Variants in PUM1 observed in about 807,000 individuals in gnomAD.
PUM1 encodes pumilio homolog 1.
PUM1 carries 13 observed loss-of-function variants against 131.8 expected under a neutral mutation model. The observed-to-expected ratio is 0.10, with a 90% confidence interval of 0.06 to 0.16. The LOEUF is 0.16. Among genes scored for constraint, PUM1 ranks in the 10% least tolerant of loss-of-function variants. The probability of loss-of-function intolerance (pLI) is 1.00; values close to 1 mark genes in which losing one functional copy is unlikely to be tolerated. For synonymous variants in PUM1, 509 were observed against 556.5 expected (o/e 0.91, Z 1.20); for missense variants, 961 against 1,512.4 (o/e 0.64, Z 6.05).
chr1:31,012,876 A>C (rs778529766), intron 3 of PUM1, among the ~76,000 whole-genome samples: 15 of 152,206 alleles, frequency 9.9e-5, no homozygotes, highest in Non-Finnish European at 1.6e-4. Flanking sequence ...GAATGCTCTG[A>C]AATCACTTTA....
At chr1:31,016,306 C>T (rs1175803687) in intron 3 of PUM1, among the ~76,000 whole-genome samples, 1 of 152,120 alleles carries the variant, frequency 6.6e-6, no homozygotes, top group Non-Finnish European at 1.5e-5. Context: ...TAATAAACTT[C>T]CAACTCATTT....
chr1:31,038,958 TTATATA>T (rs200492434), intron 2 of PUM1, among the ~76,000 whole-genome samples: 1 of 43,982 alleles, frequency 2.3e-5, no homozygotes, highest in Non-Finnish European at 3.7e-5. Context: ...TTTTAAAATT[TTATATA>T]TATATATATA....
At chr1:30,986,488 A>G (rs192681295) in intron 7 of PUM1, among the ~76,000 whole-genome samples, 20 of 152,262 alleles carry the variant, frequency 1.3e-4, no homozygotes, top group African/African-American at 4.6e-4. Context: ...AACTACTGCA[A>G]TGATCAACTA....
At chr1:31,058,410 C>T (rs1165227863) in intron 2 of PUM1, among the ~76,000 whole-genome samples, 1 of 152,144 alleles carries the variant, frequency 6.6e-6, no homozygotes, top group Non-Finnish European at 1.5e-5. Flanking sequence ...CCTGTAATCC[C>T]AGCACTTTGG....
intron 20 of PUM1, among the ~76,000 whole-genome samples, chr1:30,939,239 T>G (rs1172740691): frequency 2.6e-5 from 4 of 152,178 alleles, no homozygotes; most frequent in African/African-American, 4.8e-5. Context: ...TGCCCTCCAC[T>G]CCTGTTTTAG....
At chr1:30,992,350 G>A (rs773585224) in intron 7 of PUM1, 40 bp downstream of exon 7, 1 of 1,592,280 alleles carries the variant, frequency 6.3e-7, no homozygotes, top group Non-Finnish European at 8.6e-7. Flanking sequence ...CGTGCTGGCT[G>A]GAGGGAGAGT....
chr1:30,984,539 C>T (rs1374928790), intron 7 of PUM1, among the ~76,000 whole-genome samples: 1 of 152,198 alleles, frequency 6.6e-6, no homozygotes, highest in African/African-American at 2.4e-5. Context: ...TTATAATTCA[C>T]TTGGGTAGAT....
chr1:30,984,724 G>C (rs1641479833), intron 7 of PUM1, among the ~76,000 whole-genome samples: 2 of 152,144 alleles, frequency 1.3e-5, no homozygotes, highest in Admixed American at 1.3e-4. Flanking sequence ...ATTCCAGAAA[G>C]GAATCCGGGC....
intron 2 of PUM1, among the ~76,000 whole-genome samples, chr1:31,035,607 C>T (rs1023034683): frequency 2.0e-5 from 3 of 151,780 alleles, no homozygotes; most frequent in Non-Finnish European, 2.9e-5. Flanking sequence ...CAAAATTAGC[C>T]GGGCATGGTG....
chr1:30,992,511 G>A lies in PUM1; in HGVS notation c.1037C>T (p.Pro346Leu). The A allele has an allele frequency of 6.2e-7, 1 of 1,614,192 alleles. No individual in the cohort carries two copies. Among genetic ancestry groups the A allele is most frequent in the African/African-American group, 1.3e-5 (1 of 75,030 alleles). ...GCCCACATGTTCCATGGGGTCCAAG[G>A]GGACACTCTGGGACTCCATGTTGGA... ...DFSNMESQSV[P>L]LDPMEHVGME... The change falls in exon 7 of 22, where the codon CCC becomes CTC. Residue 346 changes from proline (P) to leucine (L), a missense_variant. Physicochemically the swap from Pro to Leu is moderately conservative, Grantham distance 98. Transcript: ENST00000426105.
chr1:30,985,629 A>C (rs1480730344), intron 7 of PUM1, among the ~76,000 whole-genome samples: 1 of 147,540 alleles, frequency 6.8e-6, no homozygotes, highest in African/African-American at 2.6e-5. Flanking sequence ...CAGCCTAAGC[A>C]ACAAGAGTGA....
Position 30,966,445 on chromosome 1 carries a change from T to C in PUM1, c.1790-167A>G, listed in dbSNP as rs56272895. ...CCCTTCATATGAAGCTTCTATTTTC[T>C]GTTTCTACTTTCAATTTGAACTCAA... On this transcript the variant is annotated intron_variant, in intron 12 of 21. Coordinates refer to ENST00000426105, the MANE Select transcript of PUM1 (RefSeq NM_001020658.2). 0.085 allele frequency: 55,358 copies of C among 650,206 alleles called. 3,612 individuals carry two copies. Among genetic ancestry groups the C allele is most frequent in the East Asian group, 0.29 (10,184 of 34,680 alleles). The allele number at this position is 650,206 out of a possible 1,614,324, so 40.3% of individuals were successfully genotyped here.
chr1:31,064,941 G>C (rs546110450), intron 1 of PUM1, among the ~76,000 whole-genome samples: 12 of 152,184 alleles, frequency 7.9e-5, no homozygotes, highest in African/African-American at 2.6e-4. Context: ...ACCCCTCTTT[G>C]AGTGAAGAGA....
intron 2 of PUM1, among the ~76,000 whole-genome samples, chr1:31,034,946 G>A (rs1367207645): frequency 6.6e-6 from 1 of 152,116 alleles, no homozygotes; most frequent in Non-Finnish European, 1.5e-5. Flanking sequence ...AGAAACTTGA[G>A]CAATGAGAAA....
At chr1:30,998,356 G>C (rs1164820017) in intron 5 of PUM1, among the ~76,000 whole-genome samples, 2 of 152,220 alleles carry the variant, frequency 1.3e-5, no homozygotes, top group Non-Finnish European at 2.9e-5. Flanking sequence ...GATAGTATCA[G>C]CTGCACGCAG....
At chr1:30,952,704 A>AGGGGGGG (rs1639996608) in intron 15 of PUM1, among the ~76,000 whole-genome samples, 1 of 35,298 alleles carries the variant, frequency 2.8e-5, no homozygotes, top group African/African-American at 8.4e-5. Context: ...CGGGAGGGGC[A>AGGGGGGG]GGGGTGCAGG....
chr1:31,056,852 G>C (rs1045360544), intron 2 of PUM1, among the ~76,000 whole-genome samples: 6 of 151,726 alleles, frequency 4.0e-5, no homozygotes, highest in African/African-American at 1.5e-4. Flanking sequence ...GAGTGCAATG[G>C]CAAGATCTCA....
intron 20 of PUM1, among the ~76,000 whole-genome samples, chr1:30,938,134 GC>G (rs1639290580): frequency 1.3e-5 from 2 of 152,126 alleles, no homozygotes; most frequent in South Asian, 4.1e-4. Context: ...TGAACTCTTG[GC>G]CTCAAGCAAT....
intron 10 of PUM1, among the ~76,000 whole-genome samples, chr1:30,972,309 G>A (rs1293684478): frequency 0.062 from 1 of 16 alleles, no homozygotes; most frequent in Non-Finnish European, 0.1. Context: ...GAGGGGAGGG[G>A]AGGGGAGGGG....
Sources: gnomAD v4.1 joint callset for allele counts (sites outside exome capture counted in the v4.1 genomes callset) on GRCh38, gnomAD v4.1.1 for gene constraint, MANE v1.5 for transcripts, NCBI Gene and HGNC (gene_info 2026-07-23, HGNC 2026-07-21) for gene names.